KCNJ6: variants seen among roughly 807,000 people sequenced by gnomAD.
The protein encoded by KCNJ6 is potassium inwardly rectifying channel subfamily J member 6.
In KCNJ6, 9 loss-of-function variants were observed where a neutral mutation model predicts 34.2. The observed-to-expected ratio is 0.26, with a 90% CI of 0.16 to 0.46. KCNJ6 has a LOEUF of 0.46. Among genes scored for constraint, KCNJ6 ranks in the 20% least tolerant of loss-of-function variants. The pLI, the probability that KCNJ6 is intolerant of heterozygous loss-of-function variation, is 1.00. For missense variants in KCNJ6, 236 were observed against 531.3 expected, an observed-to-expected ratio of 0.44 and a Z score of 5.46; for synonymous variants, 196 against 207.1, an observed-to-expected ratio of 0.95 and a Z score of 0.46.
intron 3 of KCNJ6, among the ~76,000 whole-genome samples, chr21:37,682,234 G>T (rs1476955900): frequency 6.6e-6 from 1 of 152,128 alleles, no homozygotes; most frequent in African/African-American, 2.4e-5. Context: ...GTGTCCTCAG[G>T]GCTGTGCATA....
At chr21:37,886,427 G>A (rs1047638442) in intron 1 of KCNJ6, among the ~76,000 whole-genome samples, 1 of 152,166 alleles carries the variant, frequency 6.6e-6, no homozygotes, top group Non-Finnish European at 1.5e-5. Context: ...TAAGAAAACA[G>A]AGTTAATAAT....
intron 1 of KCNJ6, among the ~76,000 whole-genome samples, chr21:37,865,227 G>A (rs1310874683): frequency 6.6e-6 from 1 of 152,136 alleles, no homozygotes; most frequent in East Asian, 1.9e-4. Context: ...TGTGTCTGGT[G>A]GAAAGAGCTG....
intron 1 of KCNJ6, among the ~76,000 whole-genome samples, chr21:37,860,633 C>T (rs1027698223): frequency 1.8e-4 from 28 of 152,218 alleles, no homozygotes; most frequent in African/African-American, 6.8e-4. Flanking sequence ...CTCCCCATCA[C>T]TCACACTGCA....
chr21:37,910,217 A>G (rs1457961194), intron 1 of KCNJ6, among the ~76,000 whole-genome samples: 1 of 152,120 alleles, frequency 6.6e-6, no homozygotes, highest in Non-Finnish European at 1.5e-5. Context: ...TACTGCCCCA[A>G]ACTTGGCAAA....
intron 1 of KCNJ6, among the ~76,000 whole-genome samples, chr21:37,883,383 G>A (rs2055719477): frequency 6.6e-6 from 1 of 152,158 alleles, no homozygotes; most frequent in African/African-American, 2.4e-5. Flanking sequence ...CCCTGGAATA[G>A]AGCCTGCAGA....
In KCNJ6 at chr21:37,643,560, G is replaced by A. The variant is rs182608390; in HGVS notation, c.947-18076C>T. ...TGGAGGGGCCAGGGAGTTGCTGCAC[G>A]GGAGTCGGACCAATGTGTGTCAGGG... On this transcript the variant is annotated intron_variant, in intron 3 of 3. Coordinates refer to ENST00000609713, the MANE Select transcript of KCNJ6 (RefSeq NM_002240.5). 2.2e-3 allele frequency among the ~76,000 whole-genome samples: 339 copies of A among 152,296 alleles called. 1 individual carries two copies. Among genetic ancestry groups the A allele is most frequent in the Non-Finnish European group, 3.4e-3 (233 of 68,028 alleles).
At chr21:37,637,137 G>A (rs142978574) in intron 3 of KCNJ6, among the ~76,000 whole-genome samples, 166 of 152,298 alleles carry the variant, frequency 1.1e-3, no homozygotes, top group African/African-American at 3.8e-3. Context: ...GTGCTGGGTC[G>A]CTTTTCATGT....
At chr21:37,700,376 G>A (rs563242266) in intron 3 of KCNJ6, among the ~76,000 whole-genome samples, 10 of 152,274 alleles carry the variant, frequency 6.6e-5, no homozygotes, top group Admixed American at 1.3e-4. Flanking sequence ...ATTCAGGAAC[G>A]TCTGCAGCCT....
intron 3 of KCNJ6, among the ~76,000 whole-genome samples, chr21:37,669,213 A>AC (rs369540967): frequency 3.3e-5 from 5 of 151,702 alleles, no homozygotes; most frequent in East Asian, 1.9e-4. Flanking sequence ...CCTGTAAGGC[A>AC]CCCCCCCACC....
In KCNJ6 at chr21:37,608,455, C is replaced by G. The variant is rs1420399556; in HGVS notation, c.*16704G>C. ...TTACAGGCATGAACCATTGTGCTTGCCTGCCCTTGGATCTCTGTCTCCAAA... is the reference window on the plus strand; with the variant it reads ...TTACAGGCATGAACCATTGTGCTTGGCTGCCCTTGGATCTCTGTCTCCAAA... On this transcript the variant is annotated 3_prime_UTR_variant, in exon 4 of 4. Coordinates refer to ENST00000609713, the MANE Select transcript of KCNJ6 (RefSeq NM_002240.5). The G allele has an allele frequency of 6.6e-6, 1 of 152,220 alleles. No individual in the cohort carries two copies. The highest frequency in any genetic ancestry group is 1.9e-4 in the East Asian group (1 of 5,198). 9.4% of individuals were successfully genotyped at this position (152,220 alleles called of 1,614,324 possible).
At chr21:37,816,007 T>G (rs1408376911) in intron 2 of KCNJ6, among the ~76,000 whole-genome samples, 1 of 152,118 alleles carries the variant, frequency 6.6e-6, no homozygotes, top group East Asian at 1.9e-4. Context: ...TGAACACCCA[T>G]TTTTAGTTTC....
chr21:37,779,348 A>G (rs858044), intron 2 of KCNJ6, among the ~76,000 whole-genome samples: 92,284 of 151,920 alleles, frequency 0.61, 29,742 homozygotes, highest in African/African-American at 0.83. Flanking sequence ...TACTCTTCTA[A>G]CCTTCCCAGG....
chr21:37,836,332 G>A lies in KCNJ6; in HGVS notation c.25+4326C>T, dbSNP rs151233045. 4.3e-3 allele frequency among the ~76,000 whole-genome samples: 654 copies of A among 152,278 alleles called. 4 individuals are homozygous for A. Among genetic ancestry groups the A allele is most frequent in the African/African-American group, 0.014 (578 of 41,548 alleles). On this transcript the variant is annotated intron_variant, in intron 2 of 3. Coordinates refer to ENST00000609713, the MANE Select transcript of KCNJ6 (RefSeq NM_002240.5). ...CAGCCATAGTGGAATACAGTGTGGC[G>A]ATTCCTCAAGGATCTAGAACCAGAA... is the stretch of plus-strand genomic sequence containing the variant.
intron 3 of KCNJ6, among the ~76,000 whole-genome samples, chr21:37,710,937 T>G (rs1368536545): frequency 6.6e-6 from 1 of 152,222 alleles, no homozygotes; most frequent in Non-Finnish European, 1.5e-5. Flanking sequence ...TTGATTCATT[T>G]TCAAAAATAG....
Position 37,611,209 on chromosome 21 carries a change from T to C in KCNJ6, c.*13950A>G, listed in dbSNP as rs2054241737. On this transcript the variant is annotated 3_prime_UTR_variant, in exon 4 of 4. Coordinates refer to ENST00000609713, the MANE Select transcript of KCNJ6 (RefSeq NM_002240.5). Reference sequence around the variant, plus strand: ...AATAAAAGATAATGAAGGAATTTTATGAATGACTTTATACCCACAAATTTG... The same window carrying C: ...AATAAAAGATAATGAAGGAATTTTACGAATGACTTTATACCCACAAATTTG... 1 of 152,214 alleles carries C rather than the reference T, an allele frequency of 6.6e-6. No individual in the cohort carries two copies. The highest frequency in any genetic ancestry group is 6.5e-5 in the Admixed American group (1 of 15,278). 9.4% of individuals were successfully genotyped at this position (152,214 alleles called of 1,614,324 possible).
At chr21:37,890,537 C>T (rs1305284953) in intron 1 of KCNJ6, among the ~76,000 whole-genome samples, 1 of 152,170 alleles carries the variant, frequency 6.6e-6, no homozygotes, top group Non-Finnish European at 1.5e-5. Context: ...CTCCTGTTGC[C>T]CTGGAAGACA....
chr21:37,780,770 T>A (rs1384647822), intron 2 of KCNJ6, among the ~76,000 whole-genome samples: 4 of 152,242 alleles, frequency 2.6e-5, no homozygotes, highest in Admixed American at 2.6e-4. Context: ...CTTGAGGGGA[T>A]GGATACCCTA....
chr21:37,900,630 T>A (rs1657101967), intron 1 of KCNJ6, among the ~76,000 whole-genome samples: 1 of 152,032 alleles, frequency 6.6e-6, no homozygotes, highest in South Asian at 2.1e-4. Context: ...GAGGTGGGAA[T>A]GAAGGCGCTT....
Position 37,624,193 on chromosome 21 carries a change from T to G in KCNJ6, c.*966A>C, listed in dbSNP as rs1316325624. On this transcript the variant is annotated 3_prime_UTR_variant, in exon 4 of 4. Transcript: ENST00000609713. Reference sequence around the variant, plus strand: ...CAGTTAGTGAGGCCCTTGTTATCTTTTAAAAAAAGACATCTGTTTTGTAAC... The same window carrying G: ...CAGTTAGTGAGGCCCTTGTTATCTTGTAAAAAAAGACATCTGTTTTGTAAC... 6.6e-6 allele frequency: 1 copy of G among 152,196 alleles called. No individual in the cohort carries two copies. The highest frequency in any genetic ancestry group is 1.5e-5 in the Non-Finnish European group (1 of 68,036). 9.4% of individuals were successfully genotyped at this position (152,196 alleles called of 1,614,324 possible).
Sources: gnomAD v4.1 joint callset for allele counts (sites outside exome capture counted in the v4.1 genomes callset) on GRCh38, gnomAD v4.1.1 for gene constraint, MANE v1.5 for transcripts, NCBI Gene and HGNC (gene_info 2026-07-23, HGNC 2026-07-21) for gene names.